Variants in NHSL1 observed in about 807,000 individuals in gnomAD.
NHSL1 encodes the protein NHS like 1.
In NHSL1, 48 loss-of-function variants were observed where a neutral mutation model predicts 95.0. The ratio of observed to expected loss-of-function variants is 0.51; its 90% CI spans 0.40 to 0.64. The LOEUF is 0.64. NHSL1 is among the 30% of genes least tolerant of loss of function. The pLI is 0.00. For synonymous variants in NHSL1, 783 were observed against 833.9 expected (o/e 0.94, Z 1.05); for missense variants, 1,971 against 2,077.7 (o/e 0.95, Z 1.00).
Position 138,431,726 on chromosome 6 carries a change from T to C in NHSL1, c.2619A>G (p.Ser873=), listed in dbSNP as rs1775684642. Residue 873 remains serine, a synonymous_variant, in exon 6 of 8, where the codon TCA becomes TCG. Transcript: ENST00000343505. The surrounding 1 kb of genome is among the most constrained non-coding windows in gnomAD (Gnocchi z 4.0). ...TGGGCTTCCCCTTCCCGTTTGCTGGTGACACTGATTTTAAAAACACAGGCA... is the reference window on the plus strand; with the variant it reads ...TGGGCTTCCCCTTCCCGTTTGCTGGCGACACTGATTTTAAAAACACAGGCA... ...TPVPVFLKSV[S]PANGKGKPKP... is the part of the protein sequence containing the mutation. The C allele has an allele frequency of 3.2e-6, 5 of 1,551,784 alleles. No individual in the cohort carries two copies. The highest frequency in any genetic ancestry group is 1.7e-4 in the Middle Eastern group (1 of 5,992).
intron 1 of NHSL1, among the ~76,000 whole-genome samples, chr6:138,624,991 T>G (rs561927690): frequency 3.5e-4 from 53 of 152,306 alleles, no homozygotes; most frequent in South Asian, 1.0e-3. Flanking sequence ...ATATAGTGTG[T>G]GTGTGTGAGA....
At chr6:138,539,497 TA>T (rs1782494248) in intron 1 of NHSL1, among the ~76,000 whole-genome samples, 1 of 152,166 alleles carries the variant, frequency 6.6e-6, no homozygotes, top group South Asian at 2.1e-4. Context: ...CACATCCTTG[TA>T]ACTAGAAGGA....
At chr6:138,536,106 A>AC (rs989063904) in intron 1 of NHSL1, among the ~76,000 whole-genome samples, 4 of 152,216 alleles carry the variant, frequency 2.6e-5, no homozygotes, top group Non-Finnish European at 5.9e-5. Flanking sequence ...CCAAAACAGC[A>AC]GTCTGGGAGA....
At chr6:138,666,892 A>G (rs1317551416) in intron 1 of NHSL1, among the ~76,000 whole-genome samples, 1 of 152,216 alleles carries the variant, frequency 6.6e-6, no homozygotes, top group African/African-American at 2.4e-5. Context: ...CATACCACCA[A>G]TAAGAGTACA....
intron 1 of NHSL1, among the ~76,000 whole-genome samples, chr6:138,606,345 C>T (rs1355583176): frequency 1.3e-5 from 2 of 152,204 alleles, no homozygotes; most frequent in Non-Finnish European, 2.9e-5. Context: ...CACAACATTT[C>T]AAAATAACAA....
intron 1 of NHSL1, among the ~76,000 whole-genome samples, chr6:138,525,314 C>G (rs769826854): frequency 1.3e-5 from 2 of 151,832 alleles, no homozygotes; most frequent in African/African-American, 4.8e-5. Flanking sequence ...CTTCTTGAGC[C>G]CGGGAGTTGG....
At chr6:138,682,948 G>A (rs1379920962) in intron 1 of NHSL1, among the ~76,000 whole-genome samples, 6 of 152,206 alleles carry the variant, frequency 3.9e-5, no homozygotes, top group Admixed American at 3.9e-4. Context: ...GTCAAGTTCC[G>A]GGTGAAAACG....
At position 138,437,379 on chromosome 6, in the gene NHSL1, TATATATACAC is replaced by T. The variant is rs1404570230; in HGVS notation, c.665-3709_665-3700del. Among the ~76,000 whole-genome samples the T allele has an allele frequency of 1.1e-3, 41 of 37,010 alleles. 2 individuals carry two copies. The highest frequency in any genetic ancestry group is 4.6e-3 in the African/African-American group (40 of 8,614). 24.3% of individuals were successfully genotyped at this position (37,010 alleles called of 152,430 possible). A position where few individuals can be genotyped will look rare whatever the true frequency, so the allele number is the denominator to read the frequency against. On this transcript the variant is annotated intron_variant, in intron 5 of 7. Coordinates refer to ENST00000343505, the MANE Select transcript of NHSL1 (RefSeq NM_001144060.2). ...ATACACATATATATATATACACATA[TATATATACAC>T]ATATATATATATATACACACATATA...
intron 1 of NHSL1, among the ~76,000 whole-genome samples, chr6:138,641,039 A>G (rs1170256487): frequency 6.6e-6 from 1 of 152,222 alleles, no homozygotes; most frequent in African/African-American, 2.4e-5. Flanking sequence ...CCCACCCCAA[A>G]GCCAATCTCA....
chr6:138,670,523 G>A (rs967080367), intron 1 of NHSL1, among the ~76,000 whole-genome samples: 9 of 150,942 alleles, frequency 6.0e-5, no homozygotes, highest in East Asian at 3.9e-4. Flanking sequence ...AAAATTAGCC[G>A]GGCGTAGTGG....
intron 1 of NHSL1, among the ~76,000 whole-genome samples, chr6:138,516,013 C>G (rs1478030733): frequency 2.0e-5 from 3 of 152,186 alleles, no homozygotes; most frequent in African/African-American, 4.8e-5. Flanking sequence ...ACCACATTTC[C>G]CAGACTCTTT....
intron 1 of NHSL1, chr6:138,512,413 T>G: frequency 2.3e-6 from 1 of 430,248 alleles, no homozygotes; most frequent in East Asian, 7.3e-5. Flanking sequence ...TAGGATAAAA[T>G]TCACTTCTTT....
At chr6:138,565,193 G>A (rs113849512) in intron 1 of NHSL1, among the ~76,000 whole-genome samples, 3,764 of 149,364 alleles carry the variant, frequency 0.025, 157 homozygotes, top group African/African-American at 0.088. Context: ...TGCAACCTCC[G>A]CCTCCTGGGT....
chr6:138,466,123 T>A (rs548209291), intron 3 of NHSL1, among the ~76,000 whole-genome samples: 6 of 149,234 alleles, frequency 4.0e-5, no homozygotes, highest in African/African-American at 1.5e-4. Flanking sequence ...CACTGCAAGC[T>A]CCGCCTCCCG....
At chr6:138,472,631 G>A (rs947371753) in intron 3 of NHSL1, among the ~76,000 whole-genome samples, 2 of 152,114 alleles carry the variant, frequency 1.3e-5, no homozygotes, top group Non-Finnish European at 2.9e-5. Context: ...ACATTACTTA[G>A]TAAATGAAAA....
intron 1 of NHSL1, among the ~76,000 whole-genome samples, chr6:138,684,967 AT>A (rs150711736): frequency 1.7e-4 from 25 of 150,292 alleles, no homozygotes; most frequent in African/African-American, 5.9e-4. Flanking sequence ...ACTTATAACG[AT>A]TTTTTTTTTC....
chr6:138,650,899 C>T (rs1785083877), intron 1 of NHSL1: 24 of 540,408 alleles, frequency 4.4e-5, no homozygotes, highest in South Asian at 2.8e-4. Flanking sequence ...ACAGCCCTAT[C>T]TTACCATCCA....
chr6:138,489,513 T>C (rs1431808933), intron 2 of NHSL1, among the ~76,000 whole-genome samples: 3 of 152,040 alleles, frequency 2.0e-5, no homozygotes. Flanking sequence ...ACGCCTGTAA[T>C]GCCAGCACTT....
intron 1 of NHSL1, among the ~76,000 whole-genome samples, chr6:138,595,146 A>C (rs1048716683): frequency 9.9e-5 from 15 of 152,266 alleles, no homozygotes; most frequent in Non-Finnish European, 1.8e-4. Context: ...AATCACCTAC[A>C]GAAGATAAAA....
Sources: gnomAD v4.1 joint callset for allele counts (sites outside exome capture counted in the v4.1 genomes callset) on GRCh38, gnomAD v4.1.1 for gene constraint, Gnocchi (gnomAD v3.1) non-coding constraint, MANE v1.5 for transcripts, NCBI Gene and HGNC (gene_info 2026-07-23, HGNC 2026-07-21) for gene names.